The following SELENOI variants were observed in gnomAD, a reference collection of about 807,000 sequenced individuals.
SELENOI encodes ethanolaminephosphotransferase 1.
A neutral mutation model predicts 50.7 loss-of-function variants in SELENOI; 24 were observed. The observed-to-expected ratio is 0.47, with a 90% CI of 0.34 to 0.67. The LOEUF is 0.67. Ranked by LOEUF, SELENOI falls within the 30% of genes least tolerant of loss-of-function variation. The pLI is 0.01. For missense variants in SELENOI, 352 were observed against 461.4 expected (o/e 0.76, Z 2.17); for synonymous variants, 155 against 170.2 (o/e 0.91, Z 0.70).
intron 6 of SELENOI, among the ~76,000 whole-genome samples, chr2:26,382,816 CT>C (rs1677735719): frequency 6.6e-6 from 1 of 151,704 alleles, no homozygotes; most frequent in African/African-American, 2.4e-5. Flanking sequence ...TAGCCAGACC[CT>C]GTTTCCATAA....
intron 1 of SELENOI, among the ~76,000 whole-genome samples, chr2:26,357,354 C>G (rs553339025): frequency 6.6e-6 from 1 of 152,150 alleles, no homozygotes; most frequent in Non-Finnish European, 1.5e-5. Flanking sequence ...TGCCTCTGAC[C>G]ACTCTGACTA....
intron 4 of SELENOI, among the ~76,000 whole-genome samples, chr2:26,367,770 G>A (rs1474502146): frequency 6.6e-6 from 1 of 152,170 alleles, no homozygotes; most frequent in African/African-American, 2.4e-5. Flanking sequence ...ACAGGGAGCG[G>A]TCAGGGAGTG....
At chr2:26,361,085 G>A (rs1677166609) in intron 1 of SELENOI, among the ~76,000 whole-genome samples, 1 of 152,130 alleles carries the variant, frequency 6.6e-6, no homozygotes, top group Admixed American at 6.5e-5. Flanking sequence ...GTGGTGGTGG[G>A]CGCCTATAGT....
chr2:26,368,029 G>A (rs767465874), intron 4 of SELENOI, among the ~76,000 whole-genome samples: 3 of 152,090 alleles, frequency 2.0e-5, no homozygotes, highest in East Asian at 1.9e-4. Context: ...CCCCAGTATC[G>A]TAGACACTCG....
At position 26,370,970 on chromosome 2, in the gene SELENOI, G is replaced by C. The variant is rs1677421114; in HGVS notation, c.311-2397G>C. ...CCTCCCGGATGGGGCGGCTGGCCGG[G>C]CGGGGGGCTGACCCCCCCACCTCCC... On this transcript the variant is annotated intron_variant, in intron 4 of 9. Transcript: ENST00000260585. Among the ~76,000 whole-genome samples the C allele has an allele frequency of 2.2e-5, 3 of 139,508 alleles. 1 individual carries two copies. Among genetic ancestry groups the C allele is most frequent in the Admixed American group, 7.0e-5 (1 of 14,380 alleles). 91.5% of individuals were successfully genotyped at this position (139,508 alleles called of 152,430 possible). A position where few individuals can be genotyped will look rare whatever the true frequency, so the allele number is the denominator to read the frequency against.
rs758282014 is a variant in SELENOI, at chr2:26,386,347, C to T, written c.913-7C>T. 9.4e-6 allele frequency: 15 copies of T among 1,593,250 alleles called. No homozygotes were observed. The highest frequency in any genetic ancestry group is 6.9e-5 in the South Asian group (6 of 86,540). On this transcript the variant is annotated splice_polypyrimidine_tract_variant and splice_region_variant and intron_variant, in intron 8 of 9. Transcript: ENST00000260585. ...TTTCTCTCTTATTTTTTTAAATTGA[C>T]GTCCAGTGTCAGCTGATTGTTTGCC...
chr2:26,378,652 C>G (rs961416192), intron 6 of SELENOI, among the ~76,000 whole-genome samples: 2 of 152,170 alleles, frequency 1.3e-5, no homozygotes, highest in Non-Finnish European at 1.5e-5. Flanking sequence ...GAGTTGTTCC[C>G]CAGTGTTTCA....
Position 26,389,970 on chromosome 2 carries a change from C to T in SELENOI, c.*867C>T, listed in dbSNP as rs1677928297. On this transcript the variant is annotated 3_prime_UTR_variant, in exon 10 of 10. Coordinates refer to ENST00000260585, the MANE Select transcript of SELENOI (RefSeq NM_033505.4). ...AAATATAAATTGGAGTTAGGAATTT[C>T]ATGAACCTCACTATGACCAAAATTA... 1 of 151,568 alleles carries T rather than the reference C, an allele frequency of 6.6e-6. No homozygotes were observed. The allele number at this position is 151,568 out of a possible 1,614,324, so 9.4% of individuals were successfully genotyped here.
chr2:26,367,340 C>T, intron 4 of SELENOI, 120 bp downstream of exon 4: 1 of 696,466 alleles, frequency 1.4e-6, no homozygotes, highest in Non-Finnish European at 2.2e-6. Context: ...TATTAGTATC[C>T]TGTTCAAATT....
rs556388044 is a variant in SELENOI, at chr2:26,382,674, G to T, written c.683-625G>T. ...TGGGGAGAGAACCAGTGTGCGAATG[G>T]AAGTAGCTAGGGGGAGAAACTGAAA... is the stretch of plus-strand genomic sequence containing the variant. On this transcript the variant is annotated intron_variant, in intron 6 of 9. Transcript: ENST00000260585. Among the ~76,000 whole-genome samples the T allele has an allele frequency of 3.3e-5, 5 of 152,236 alleles. No homozygotes were observed. In the South Asian group the frequency reaches 1.0e-3, roughly 32 times the overall value.
At chr2:26,364,493 C>T (rs1677246683) in intron 2 of SELENOI, 123 bp downstream of exon 2, 5 of 655,944 alleles carry the variant, frequency 7.6e-6, no homozygotes, top group Non-Finnish European at 1.3e-5. Flanking sequence ...CCACCCTTCC[C>T]CAATCACAAT....
intron 6 of SELENOI, among the ~76,000 whole-genome samples, chr2:26,378,172 A>C (rs1334284901): frequency 6.6e-6 from 1 of 151,926 alleles, no homozygotes; most frequent in Admixed American, 6.6e-5. Flanking sequence ...TCACCTCTCT[A>C]TGATTTTTTT....
chr2:26,351,761 T>A (rs553088507), intron 1 of SELENOI, among the ~76,000 whole-genome samples: 6 of 152,324 alleles, frequency 3.9e-5, no homozygotes, highest in African/African-American at 1.4e-4. Flanking sequence ...ACTGTTGGCA[T>A]CAGAATCACT....
chr2:26,376,775 T>C (rs1387025198), intron 6 of SELENOI, among the ~76,000 whole-genome samples: 1 of 152,256 alleles, frequency 6.6e-6, no homozygotes, highest in Non-Finnish European at 1.5e-5. Context: ...GTTTATTCTC[T>C]CTTTTTACTT....
chr2:26,381,468 A>G (rs1394728604), intron 6 of SELENOI, among the ~76,000 whole-genome samples: 3 of 152,138 alleles, frequency 2.0e-5, no homozygotes, highest in African/African-American at 7.2e-5. Flanking sequence ...CAGCCTGTAT[A>G]GAGCTCCGGC....
chr2:26,347,013 C>G (rs2147939746), intron 1 of SELENOI: 1 of 152,300 alleles, frequency 6.6e-6, no homozygotes, highest in South Asian at 2.1e-4. Flanking sequence ...AAGCGCTTGG[C>G]AACATACTAG....
Position 26,389,105 on chromosome 2 carries a change from A to C in SELENOI, c.*2A>C. On this transcript the variant is annotated 3_prime_UTR_variant, in exon 10 of 10. Transcript: ENST00000260585. ...GAAGAAAAGAATATTGGCCTGTAAT[A>C]ATCTTTCTTTGGGCACAAAGAAGTA... 6.4e-7 allele frequency: 1 copy of C among 1,560,176 alleles called. No homozygotes were observed. Among genetic ancestry groups the C allele is most frequent in the Non-Finnish European group, 8.7e-7 (1 of 1,148,606 alleles).
At chr2:26,372,069 A>G (rs147037853) in intron 4 of SELENOI, among the ~76,000 whole-genome samples, 21 of 151,946 alleles carry the variant, frequency 1.4e-4, no homozygotes, top group African/African-American at 5.1e-4. Context: ...GTACTCTTTT[A>G]TGGTTTGTGA....
chr2:26,368,995 T>G (rs1199445505), intron 4 of SELENOI, among the ~76,000 whole-genome samples: 4 of 152,212 alleles, frequency 2.6e-5, no homozygotes, highest in African/African-American at 9.7e-5. Context: ...GGGAATGTAC[T>G]TTGGTGAGCA....
Sources: gnomAD v4.1 joint callset for allele counts (sites outside exome capture counted in the v4.1 genomes callset) on GRCh38, gnomAD v4.1.1 for gene constraint, MANE v1.5 for transcripts, NCBI Gene and HGNC (gene_info 2026-07-23, HGNC 2026-07-21) for gene names.